The following PRXL2A variants were observed in gnomAD, a reference collection of about 807,000 sequenced individuals.
PRXL2A encodes the protein peroxiredoxin-like 2A.
A neutral mutation model predicts 25.6 loss-of-function variants in PRXL2A; 26 were observed. The observed-to-expected ratio is 1.02, with a 90% CI of 0.74 to 1.41. The LOEUF is 1.41. PRXL2A is among the 40% of genes most tolerant of loss of function. The pLI is 0.00. For missense variants in PRXL2A, 246 were observed against 273.9 expected (o/e 0.90, Z 0.72); for synonymous variants, 98 against 102.9 (o/e 0.95, Z 0.29).
chr10:80,429,530 GCCCTGCCCTGCCCCGC>G (rs1476918647), intron 5 of PRXL2A, among the ~76,000 whole-genome samples: 2 of 146,184 alleles, frequency 1.4e-5, no homozygotes, highest in East Asian at 4.3e-4. Flanking sequence ...TCCCGGCCCG[GCCCTGCCCTGCCCCGC>G]CCCGCCCCTA....
At chr10:80,408,334 C>G (rs1323263945), upstream of PRXL2A, among the ~76,000 whole-genome samples, 3 of 152,110 alleles carry the variant, frequency 2.0e-5, no homozygotes, top group Admixed American at 6.5e-5. Flanking sequence ...GTCGGGGCCT[C>G]GGTTCGCGGA....
intron 1 of PRXL2A, chr10:80,409,026 C>T: frequency 1.0e-6 from 1 of 985,190 alleles, no homozygotes; most frequent in Non-Finnish European, 1.2e-6. Flanking sequence ...GGGCCCTGCC[C>T]TGGAGCATGG....
chr10:80,419,911 GA>G lies in PRXL2A; in HGVS notation c.-2-554del, dbSNP rs1022424648. 4.2e-5 allele frequency: 39 copies of G among 929,352 alleles called. 2 individuals are homozygous for G. The highest frequency in any genetic ancestry group is 7.7e-6 in the Non-Finnish European group (6 of 778,824). The allele number at this position is 929,352 out of a possible 1,614,324, so 57.6% of individuals were successfully genotyped here. A position where few individuals can be genotyped will look rare whatever the true frequency, so the allele number is the denominator to read the frequency against. On this transcript the variant is annotated intron_variant, in intron 1 of 5. Transcript: ENST00000606162. ...GCTGGGCACTGGCTGGGGGCTTGAT[GA>G]GTAGGATATGGTCCCTGTTTTTGGA...
At chr10:80,411,004 A>G (rs1844461338) in intron 1 of PRXL2A, among the ~76,000 whole-genome samples, 1 of 152,220 alleles carries the variant, frequency 6.6e-6, no homozygotes. Flanking sequence ...ATTTGAGAGT[A>G]GGACTGGGCC....
Position 80,434,773 on chromosome 10 carries a change from C to A in PRXL2A, c.*2674C>A, listed in dbSNP as rs541473486. 1.3e-5 allele frequency: 2 copies of A among 152,252 alleles called. No individual in the cohort carries two copies. Among genetic ancestry groups the A allele is most frequent in the East Asian group, 1.9e-4 (1 of 5,194 alleles). 9.4% of individuals were successfully genotyped at this position (152,252 alleles called of 1,614,324 possible). A position where few individuals can be genotyped will look rare whatever the true frequency, so the allele number is the denominator to read the frequency against. On this transcript the variant is annotated 3_prime_UTR_variant, in exon 6 of 6. Transcript: ENST00000606162. The stretch of plus-strand genomic sequence containing the variant: ...CTAGCCTCCCACAGAGACCAGGAGT[C>A]GGCCTTATCATTCCTGATAATTATA...
intron 5 of PRXL2A, 76 bp downstream of exon 5, chr10:80,427,572 TG>T: frequency 6.6e-7 from 1 of 1,513,298 alleles, no homozygotes; most frequent in East Asian, 2.3e-5. Flanking sequence ...GAAGCTGGAG[TG>T]GGGGTTGACT....
At chr10:80,410,328 C>G (rs1456759135) in intron 1 of PRXL2A, among the ~76,000 whole-genome samples, 1 of 152,260 alleles carries the variant, frequency 6.6e-6, no homozygotes, top group Non-Finnish European at 1.5e-5. Flanking sequence ...CCTTTGCCTT[C>G]TCTGGCACTG....
intron 1 of PRXL2A, among the ~76,000 whole-genome samples, chr10:80,415,813 T>G (rs1429623058): frequency 2.0e-5 from 3 of 152,050 alleles, no homozygotes; most frequent in Non-Finnish European, 4.4e-5. Context: ...CACTGGACAG[T>G]GGGAAGGTGG....
At chr10:80,412,206 A>T (rs921212760) in intron 1 of PRXL2A, among the ~76,000 whole-genome samples, 1 of 152,168 alleles carries the variant, frequency 6.6e-6, no homozygotes, top group Admixed American at 6.5e-5. Context: ...TGTATAGATG[A>T]TGAGATCCAG....
intron 1 of PRXL2A, among the ~76,000 whole-genome samples, chr10:80,412,347 T>G (rs79759447): frequency 0.031 from 4,774 of 152,198 alleles, 168 homozygotes; most frequent in South Asian, 0.14. Flanking sequence ...TGTCCAAAAT[T>G]GCCTTTCATA....
At chr10:80,420,033 A>C in intron 1 of PRXL2A, 3 of 985,944 alleles carry the variant, frequency 3.0e-6, no homozygotes, top group Non-Finnish European at 3.6e-6. Context: ...AGCTGCCCCT[A>C]CCCAGGGACA....
At chr10:80,410,380 G>A (rs909429836) in intron 1 of PRXL2A, among the ~76,000 whole-genome samples, 1 of 152,252 alleles carries the variant, frequency 6.6e-6, no homozygotes, top group Non-Finnish European at 1.5e-5. Context: ...GAATAGCATG[G>A]AGCGGGCCTG....
chr10:80,412,239 A>G (rs935433318), intron 1 of PRXL2A, among the ~76,000 whole-genome samples: 4 of 152,104 alleles, frequency 2.6e-5, no homozygotes, highest in African/African-American at 9.7e-5. Context: ...TTCATACCTT[A>G]AGTCAGATTG....
intron 1 of PRXL2A, among the ~76,000 whole-genome samples, chr10:80,416,080 C>T (rs1316793785): frequency 6.6e-6 from 1 of 152,216 alleles, no homozygotes; most frequent in Non-Finnish European, 1.5e-5. Context: ...GAAGTTGTTC[C>T]AGGCTCTGGG....
Position 80,422,462 on chromosome 10 carries a change from C to T in PRXL2A, c.224C>T (p.Ala75Val), listed in dbSNP as rs750569436. ...KAKELWEKNG[A>V]VIMAVRRPGC... The stretch of plus-strand genomic sequence containing the variant: ...AAGGAGCTATGGGAAAAAAATGGAG[C>T]TGTGATTATGGCCGTGCGGAGGCCA... The change falls in exon 3 of 6, where the codon GCT becomes GTT. Residue 75 changes from alanine to valine, a missense_variant. Physicochemically the swap from Ala to Val is moderately conservative, Grantham distance 64. Transcript: ENST00000606162. 2 of 1,613,924 alleles carry T rather than the reference C, an allele frequency of 1.2e-6. No individual in the cohort carries two copies. Among genetic ancestry groups the T allele is most frequent in the Non-Finnish European group, 1.7e-6 (2 of 1,179,982 alleles).
chr10:80,407,885 T>A (rs1235707211), upstream of PRXL2A: 1 of 152,358 alleles, frequency 6.6e-6, no homozygotes, highest in Non-Finnish European at 1.5e-5. Flanking sequence ...GCCCTGAGAT[T>A]ACAGGCGTGA....
intron 2 of PRXL2A, among the ~76,000 whole-genome samples, chr10:80,422,153 C>T (rs1246203754): frequency 6.6e-6 from 1 of 152,094 alleles, no homozygotes; most frequent in African/African-American, 2.4e-5. Context: ...TCTGAATGTT[C>T]AGGTTAGAAA....
upstream of PRXL2A, among the ~76,000 whole-genome samples, chr10:80,408,306 C>T (rs939536258): frequency 6.6e-6 from 1 of 152,224 alleles, no homozygotes; most frequent in Non-Finnish European, 1.5e-5. Context: ...TTGCCCTAGG[C>T]AGCGCCCTGA....
rs140087752 is a variant in PRXL2A at position 80,428,193 on chromosome 10, A to G, written c.576+697A>G. Among the ~76,000 whole-genome samples, 313 of 152,284 alleles carry G rather than the reference A, an allele frequency of 2.1e-3. 2 individuals carry two copies. The highest frequency in any genetic ancestry group is 7.2e-3 in the African/African-American group (298 of 41,562). On this transcript the variant is annotated intron_variant, in intron 5 of 5. Coordinates refer to ENST00000606162, the MANE Select transcript of PRXL2A (RefSeq NM_032333.5). ...CTGGCTGTGAGGCTCCACAAGCAGC[A>G]TGGAGCCCTAGGGGAAGGTGTGGAA...
Sources: gnomAD v4.1 joint callset for allele counts (sites outside exome capture counted in the v4.1 genomes callset) on GRCh38, gnomAD v4.1.1 for gene constraint, MANE v1.5 for transcripts, NCBI Gene and HGNC (gene_info 2026-07-23, HGNC 2026-07-21) for gene names.